Variants in GTF2I observed in about 807,000 individuals in gnomAD.
The protein encoded by GTF2I is general transcription factor II-I.
Under a neutral mutation model 67.6 loss-of-function variants are expected in GTF2I, and 12 were observed. That is an observed-to-expected ratio of 0.18 (90% CI 0.11 to 0.29). The LOEUF is 0.29. Among genes scored for constraint, GTF2I ranks in the 10% least tolerant of loss-of-function variants. The probability of loss-of-function intolerance (pLI) is 1.00; values close to 1 mark genes in which losing one functional copy is unlikely to be tolerated. For missense variants in GTF2I, 271 were observed against 580.1 expected, an observed-to-expected ratio of 0.47 and a Z score of 5.47; for synonymous variants, 149 against 197.0, an observed-to-expected ratio of 0.76 and a Z score of 2.04.
intron 7 of GTF2I, among the ~76,000 whole-genome samples, chr7:74,706,179 A>G (rs1308739102): frequency 1.3e-5 from 2 of 152,310 alleles, no homozygotes; most frequent in African/African-American, 2.4e-5. Flanking sequence ...CGGCCTCCCA[A>G]TGTGTTGGGA....
At chr7:74,723,754 A>T (rs1793407414) in intron 12 of GTF2I, among the ~76,000 whole-genome samples, 1 of 151,974 alleles carries the variant, frequency 6.6e-6, no homozygotes, top group African/African-American at 2.4e-5. Context: ...TTTAGTAGTG[A>T]ATAATTCAGT....
chr7:74,663,545 C>A (rs1332794108), intron 1 of GTF2I, among the ~76,000 whole-genome samples: 1 of 152,178 alleles, frequency 6.6e-6, no homozygotes, highest in African/African-American at 2.4e-5. Context: ...CCCACCTCGG[C>A]CTCCCCAAGT....
intron 1 of GTF2I, among the ~76,000 whole-genome samples, chr7:74,658,848 A>T (rs1554385033): frequency 6.6e-6 from 1 of 152,164 alleles, no homozygotes; most frequent in Non-Finnish European, 1.5e-5. Context: ...GCCAGCACCC[A>T]GACGACGGGA....
At chr7:74,738,267 CA>C (rs1554407723) in intron 19 of GTF2I, 164 bp downstream of exon 19, 4 of 93,536 alleles carry the variant, frequency 4.3e-5, no homozygotes, top group South Asian at 1.0e-4. Flanking sequence ...TACTAAAATA[CA>C]AAAAAATTAG....
chr7:74,704,490 A>G (rs184448147), intron 6 of GTF2I, among the ~76,000 whole-genome samples: 196 of 151,878 alleles, frequency 1.3e-3, no homozygotes, highest in Non-Finnish European at 2.2e-3. Flanking sequence ...ACGGGGGTTC[A>G]CCATGTTGGC....
rs145729076 is a variant in GTF2I at position 74,700,301 on chromosome 7, G to A, written c.428G>A (p.Arg143Gln). The change falls in exon 5 of 35, where the codon CGA becomes CAA. Residue 143 changes from arginine (R) to glutamine (Q), a missense_variant. Arg to Gln is a conservative substitution (Grantham distance 43). This residue lies in a region of GTF2I where 38 missense variants were observed against 87.8 expected (regional missense o/e 0.43). Coordinates refer to ENST00000573035, the MANE Select transcript of GTF2I (RefSeq NM_032999.4). ...VVPVPYEKML[R>Q]DQSAVVVQGL... The stretch of plus-strand genomic sequence containing the variant: ...CCTGTACCATATGAGAAGATGCTGC[G>A]AGACCAGTCGGCTGTGGTAGTGCAG... The A allele has an allele frequency of 2.7e-5, 43 of 1,614,014 alleles. No individual in the cohort carries two copies. The highest frequency in any genetic ancestry group is 3.5e-5 in the Non-Finnish European group (41 of 1,180,038).
chr7:74,664,100 C>A (rs1217405078), intron 1 of GTF2I, among the ~76,000 whole-genome samples: 2 of 152,038 alleles, frequency 1.3e-5, no homozygotes, highest in African/African-American at 4.8e-5. Context: ...AAGTGCTGGG[C>A]CACCGCACCC....
intron 9 of GTF2I, among the ~76,000 whole-genome samples, chr7:74,713,732 A>G (rs1554403055): frequency 6.6e-6 from 1 of 152,184 alleles, no homozygotes; most frequent in Non-Finnish European, 1.5e-5. Context: ...CTAAAGCAGT[A>G]CTTAGAGGTC....
chr7:74,678,764 A>G (rs1202304364), intron 1 of GTF2I, among the ~76,000 whole-genome samples: 6 of 151,992 alleles, frequency 3.9e-5, no homozygotes, highest in Non-Finnish European at 8.8e-5. Flanking sequence ...ATCGGTCTGT[A>G]ACCTACTCAT....
chr7:74,661,847 G>A (rs143642497), intron 1 of GTF2I, among the ~76,000 whole-genome samples: 424 of 152,280 alleles, frequency 2.8e-3, no homozygotes, highest in African/African-American at 9.5e-3. Flanking sequence ...GGATTTAAGT[G>A]TGGAATAAAA....
At chr7:74,661,433 A>C (rs1474403538) in intron 1 of GTF2I, among the ~76,000 whole-genome samples, 1 of 152,132 alleles carries the variant, frequency 6.6e-6, no homozygotes, top group African/African-American at 2.4e-5. Flanking sequence ...TAATCCCAGC[A>C]CTTTGGGAGG....
chr7:74,694,916 A>T (rs587686239), intron 3 of GTF2I, among the ~76,000 whole-genome samples: 2 of 152,290 alleles, frequency 1.3e-5, no homozygotes, highest in African/African-American at 4.8e-5. Flanking sequence ...CTGAAGAGTT[A>T]CACTAAATCT....
intron 1 of GTF2I, among the ~76,000 whole-genome samples, chr7:74,672,672 C>G (rs1356915976): frequency 6.6e-6 from 1 of 152,164 alleles, no homozygotes; most frequent in African/African-American, 2.4e-5. Flanking sequence ...TCATTATAAG[C>G]AAGGCATACA....
chr7:74,737,074 T>G (rs1554407524), intron 18 of GTF2I, among the ~76,000 whole-genome samples: 1 of 148,494 alleles, frequency 6.7e-6, no homozygotes, highest in Non-Finnish European at 1.5e-5. Context: ...AAGCCTGTAG[T>G]CCCAGCTACT....
At chr7:74,672,277 G>A (rs150787557) in intron 1 of GTF2I, among the ~76,000 whole-genome samples, 104 of 152,104 alleles carry the variant, frequency 6.8e-4, no homozygotes, top group Non-Finnish European at 1.3e-3. Context: ...GATGGCTCTC[G>A]CCAGTAATCC....
intron 1 of GTF2I, among the ~76,000 whole-genome samples, chr7:74,660,948 A>T (rs1257942725): frequency 6.6e-6 from 1 of 152,018 alleles, no homozygotes; most frequent in Non-Finnish European, 1.5e-5. Context: ...TGCTGCTTAC[A>T]TTTGAGTGTC....
At chr7:74,695,846 C>G (rs965300104) in intron 3 of GTF2I, among the ~76,000 whole-genome samples, 1 of 152,062 alleles carries the variant, frequency 6.6e-6, no homozygotes. Flanking sequence ...ACCATAAGCC[C>G]GCCTGCAGCT....
chr7:74,691,083 G>A lies in GTF2I; in HGVS notation c.210G>A (p.Lys70=), dbSNP rs146598910. 6.2e-7 allele frequency: 1 copy of A among 1,608,520 alleles called. No homozygotes were observed. Among genetic ancestry groups the A allele is most frequent in the African/African-American group, 1.3e-5 (1 of 74,574 alleles). ...ERGRAFVNTR[K]DFQKDFVKYC... ...GACGTGCTTTTGTCAATACCAGAAAGGATTTTCAAAAAGATTTTGTAAAAT... is the reference window on the plus strand; with the variant it reads ...GACGTGCTTTTGTCAATACCAGAAAAGATTTTCAAAAAGATTTTGTAAAAT... Residue 70 remains lysine (K), a synonymous_variant, in exon 3 of 35, where the codon AAG becomes AAA. Coordinates refer to ENST00000573035, the MANE Select transcript of GTF2I (RefSeq NM_032999.4).
chr7:74,711,227 A>G (rs1032263644), intron 9 of GTF2I, 118 bp downstream of exon 9: 7 of 520,320 alleles, frequency 1.3e-5, no homozygotes, highest in South Asian at 8.5e-5. Context: ...CTTGATTGAC[A>G]TATATATTGT....
Sources: gnomAD v4.1 joint callset for allele counts (sites outside exome capture counted in the v4.1 genomes callset) on GRCh38, gnomAD v4.1.1 for gene constraint, gnomAD v4.1.1 regional missense constraint, MANE v1.5 for transcripts, NCBI Gene and HGNC (gene_info 2026-07-23, HGNC 2026-07-21) for gene names.